ZRANB1: variants seen among roughly 807,000 people sequenced by gnomAD.
The protein encoded by ZRANB1 is zinc finger RANBP2-type containing 1.
ZRANB1 carries 16 observed loss-of-function variants against 80.5 expected under a neutral mutation model. That is an observed-to-expected ratio of 0.20 (90% confidence interval 0.13 to 0.30). ZRANB1 has a LOEUF of 0.30. ZRANB1 is among the 10% of genes least tolerant of loss of function. ZRANB1 has a pLI of 1.00. For missense variants in ZRANB1, 576 were observed against 862.6 expected, an observed-to-expected ratio of 0.67 and a Z score of 4.16; for synonymous variants, 291 against 293.1, an observed-to-expected ratio of 0.99 and a Z score of 0.07.
chr10:124,961,444 C>G lies in ZRANB1; in HGVS notation c.815-5150C>G, dbSNP rs181507784. 1.3e-3 allele frequency among the ~76,000 whole-genome samples: 202 copies of G among 152,338 alleles called. 1 individual carries two copies. Among genetic ancestry groups the G allele is most frequent in the Admixed American group, 4.9e-3 (75 of 15,304 alleles). On this transcript the variant is annotated intron_variant, in intron 1 of 8. Transcript: ENST00000359653. ...TGTCCCCATCTCTGATCACTTGTCC[C>G]AAAGATAACTTTGTGGCATGTTTCC...
intron 5 of ZRANB1, among the ~76,000 whole-genome samples, chr10:124,977,498 C>T (rs1300881701): frequency 6.6e-6 from 1 of 151,474 alleles, no homozygotes; most frequent in Non-Finnish European, 1.5e-5. Context: ...TCTCTTGAGC[C>T]TAGGAGTTCA....
At chr10:124,941,079 A>G (rs1388990206), upstream of ZRANB1, among the ~76,000 whole-genome samples, 1 of 152,184 alleles carries the variant, frequency 6.6e-6, no homozygotes, top group Non-Finnish European at 1.5e-5. Flanking sequence ...AAGAGAGAGC[A>G]AAGCTTCTAT....
chr10:124,985,043 T>C lies in ZRANB1; in HGVS notation c.*51T>C, dbSNP rs746501110. On this transcript the variant is annotated 3_prime_UTR_variant, in exon 9 of 9. Transcript: ENST00000359653. ...CAAGGCATCAGATCTGTAATGACCC[T>C]AAAGTTAGTGTGGTGCTCCAAGCAG... The C allele has an allele frequency of 5.7e-6, 8 of 1,411,658 alleles. No individual in the cohort carries two copies. Among genetic ancestry groups the C allele is most frequent in the Middle Eastern group, 1.8e-4 (1 of 5,692 alleles). The allele number at this position is 1,411,658 out of a possible 1,614,324, so 87.4% of individuals were successfully genotyped here. A position where few individuals can be genotyped will look rare whatever the true frequency, so the allele number is the denominator to read the frequency against.
the ZRANB1 span, among the ~76,000 whole-genome samples, chr10:124,930,486 A>T: frequency 6.6e-6 from 1 of 152,132 alleles, no homozygotes; most frequent in Non-Finnish European, 1.5e-5. Flanking sequence ...GGCTGGTCTC[A>T]AACTCCTGAC....
chr10:124,929,418 G>A, the ZRANB1 span, among the ~76,000 whole-genome samples: 3 of 150,314 alleles, frequency 2.0e-5, no homozygotes, highest in East Asian at 6.0e-4. Context: ...TCACTGCAAC[G>A]TCCGTCTACA....
At chr10:124,961,711 A>G (rs1951736082) in intron 1 of ZRANB1, among the ~76,000 whole-genome samples, 1 of 152,238 alleles carries the variant, frequency 6.6e-6, no homozygotes, top group Admixed American at 6.5e-5. Context: ...ATTAGTGACT[A>G]TTTGACTTCC....
chr10:124,958,591 C>T (rs983331344), intron 1 of ZRANB1, among the ~76,000 whole-genome samples: 2 of 151,912 alleles, frequency 1.3e-5, no homozygotes, highest in African/African-American at 2.4e-5. Context: ...ATTGTATATC[C>T]TTTTTCATTG....
chr10:124,942,411 A>G lies in ZRANB1; in HGVS notation c.-83A>G, dbSNP rs1282960966. Reference sequence around the variant, plus strand: ...TGCTTTTTGGGCAGCGTATTTTTGGAGGTGGAATGTAGTTATTTTAATAAC... The same window carrying G: ...TGCTTTTTGGGCAGCGTATTTTTGGGGGTGGAATGTAGTTATTTTAATAAC... On this transcript the variant is annotated 5_prime_UTR_variant, in exon 1 of 9. Coordinates refer to ENST00000359653, the MANE Select transcript of ZRANB1 (RefSeq NM_017580.3). The G allele has an allele frequency of 6.4e-7, 1 of 1,558,606 alleles. No individual in the cohort carries two copies. Among genetic ancestry groups the G allele is most frequent in the African/African-American group, 1.4e-5 (1 of 72,594 alleles).
At chr10:124,936,745 T>G in the ZRANB1 span, among the ~76,000 whole-genome samples, 1 of 152,238 alleles carries the variant, frequency 6.6e-6, no homozygotes, top group Non-Finnish European at 1.5e-5. Flanking sequence ...AATTTTATAG[T>G]TCAAAATTGC....
Position 124,983,063 on chromosome 10 carries a change from T to C in ZRANB1, c.1549-112T>C. ...AATGCTGCTTTGACAATCTTTTCTT[T>C]CTTAAAAACCAACTGCGATAGTATA... On this transcript the variant is annotated intron_variant, in intron 6 of 8. Coordinates refer to ENST00000359653, the MANE Select transcript of ZRANB1 (RefSeq NM_017580.3). This position sits in a 1 kb window ranked among gnomAD's most constrained non-coding sequence, Gnocchi z 6.2. The C allele has an allele frequency of 8.8e-7, 1 of 1,131,964 alleles. No individual in the cohort carries two copies. Among genetic ancestry groups the C allele is most frequent in the Non-Finnish European group, 1.2e-6 (1 of 816,556 alleles). The allele number at this position is 1,131,964 out of a possible 1,614,324, so 70.1% of individuals were successfully genotyped here.
At chr10:124,972,224 G>GT in intron 3 of ZRANB1, 106 bp downstream of exon 3, 1 of 1,002,246 alleles carries the variant, frequency 1.0e-6, no homozygotes, top group African/African-American at 1.6e-5. Flanking sequence ...CATAGCTACT[G>GT]TATGTGCATC....
intron 1 of ZRANB1, among the ~76,000 whole-genome samples, chr10:124,963,554 G>GTTTTTTTTTTTTT (rs760813299): frequency 2.3e-4 from 13 of 57,506 alleles, no homozygotes; most frequent in Admixed American, 4.8e-4. Context: ...TTTTTTGTTT[G>GTTTTTTTTTTTTT]TTTTTTTTTT....
chr10:124,917,864 T>G, the ZRANB1 span, among the ~76,000 whole-genome samples: 1 of 152,100 alleles, frequency 6.6e-6, no homozygotes, highest in African/African-American at 2.4e-5. Context: ...AGTGCAAGGA[T>G]CTGTTTTTTC....
the ZRANB1 span, among the ~76,000 whole-genome samples, chr10:124,936,419 T>A: frequency 6.6e-6 from 1 of 152,232 alleles, no homozygotes; most frequent in East Asian, 1.9e-4. Flanking sequence ...TTCTGAGTTC[T>A]CTGCTGGGTG....
upstream of ZRANB1, chr10:124,940,697 C>T (rs1589837657): frequency 2.4e-6 from 1 of 424,078 alleles, no homozygotes; most frequent in Non-Finnish European, 3.9e-6. Context: ...AGATTTAGGC[C>T]AGGCGTGGTG....
intron 1 of ZRANB1, among the ~76,000 whole-genome samples, chr10:124,952,974 G>T (rs1289310411): frequency 6.6e-6 from 1 of 151,972 alleles, no homozygotes; most frequent in East Asian, 1.9e-4. Context: ...ACCCAGCCTG[G>T]AGTGCAGTGG....
the ZRANB1 span, among the ~76,000 whole-genome samples, chr10:124,922,336 A>ATATATATATT: frequency 2.2e-5 from 1 of 44,772 alleles, no homozygotes; most frequent in Non-Finnish European, 5.8e-5. Context: ...GTATATATAT[A>ATATATATATT]TTTTTTTTTT....
the ZRANB1 span, among the ~76,000 whole-genome samples, chr10:124,931,706 C>T: frequency 5.9e-5 from 9 of 152,288 alleles, no homozygotes; most frequent in South Asian, 1.2e-3. Flanking sequence ...GTGTTAAGTT[C>T]ACAACAAAAT....
At chr10:124,938,885 T>G (rs934683316), upstream of ZRANB1, among the ~76,000 whole-genome samples, 5 of 148,326 alleles carry the variant, frequency 3.4e-5, no homozygotes, top group African/African-American at 5.0e-5. Context: ...TAAAAAAAAG[T>G]TTTTTTTTTG....
Sources: allele counts gnomAD v4.1 joint callset (sites outside exome capture counted in the v4.1 genomes callset), GRCh38; gene constraint gnomAD v4.1.1; non-coding constraint Gnocchi (gnomAD v3.1); transcripts MANE v1.5; gene names NCBI Gene and HGNC (gene_info 2026-07-23, HGNC 2026-07-21).